ANKRD44: variants seen among roughly 807,000 people sequenced by gnomAD.
ANKRD44 encodes serine/threonine-protein phosphatase 6 regulatory ankyrin repeat subunit B.
Under a neutral mutation model 116.0 loss-of-function variants are expected in ANKRD44, and 35 were observed. The ratio of observed to expected loss-of-function variants is 0.30; its 90% confidence interval spans 0.23 to 0.40. The LOEUF (loss-of-function observed/expected upper bound fraction) is 0.40, where lower values mean the gene tolerates loss of function less well. Ranked by LOEUF, ANKRD44 falls within the 10% of genes least tolerant of loss-of-function variation. The pLI, the probability that ANKRD44 is intolerant of heterozygous loss-of-function variation, is 1.00. For synonymous variants in ANKRD44, 435 were observed against 461.8 expected (o/e 0.94, Z 0.74); for missense variants, 1,014 against 1,242.6 (o/e 0.82, Z 2.77).
At chr2:197,297,354 T>C (rs2105897793) in intron 1 of ANKRD44, among the ~76,000 whole-genome samples, 1 of 152,276 alleles carries the variant, frequency 6.6e-6, no homozygotes, top group South Asian at 2.1e-4. Flanking sequence ...AGTTAAAAGG[T>C]CATAAATATA....
Position 197,124,208 on chromosome 2 carries a change from T to G in ANKRD44, c.550+1173A>C, listed in dbSNP as rs567669506. ...ATGCTTGTAAAAGTTTAAGATTCTGTTTTTTTAAGCCCAAGGATTCACTCA... is the reference window on the plus strand; with the variant it reads ...ATGCTTGTAAAAGTTTAAGATTCTGGTTTTTTAAGCCCAAGGATTCACTCA... On this transcript the variant is annotated intron_variant, in intron 6 of 27. Coordinates refer to ENST00000282272, the MANE Select transcript of ANKRD44 (RefSeq NM_001195144.2). 3.1e-3 allele frequency among the ~76,000 whole-genome samples: 473 copies of G among 152,256 alleles called. 3 individuals carry two copies. Among genetic ancestry groups the G allele is most frequent in the South Asian group, 0.019 (93 of 4,812 alleles).
At chr2:197,206,784 G>A (rs563628270) in intron 1 of ANKRD44, among the ~76,000 whole-genome samples, 1 of 152,298 alleles carries the variant, frequency 6.6e-6, no homozygotes, top group East Asian at 1.9e-4. Flanking sequence ...GGGAAAGGAT[G>A]TACAGGACTG....
At chr2:197,186,996 G>C in intron 2 of ANKRD44, 27 bp downstream of exon 2, 1 of 1,602,390 alleles carries the variant, frequency 6.2e-7, no homozygotes, top group Non-Finnish European at 8.5e-7. Context: ...AACAGGGCCT[G>C]AGTAGCAAAA....
intron 1 of ANKRD44, among the ~76,000 whole-genome samples, chr2:197,257,929 C>T (rs942659393): frequency 6.6e-6 from 1 of 152,106 alleles, no homozygotes; most frequent in African/African-American, 2.4e-5. Context: ...CACTATTCTA[C>T]TTCCTGTCTC....
chr2:197,083,446 T>C lies in ANKRD44; in HGVS notation c.1380A>G (p.Thr460=). ...HFHCIETLVT[T]GANVNETDDW... Reference sequence around the variant, plus strand: ...CATCTGTTTCATTAACGTTGGCCCCTGTGGTCACTAATGTCTCAATACAGT... The same window carrying C: ...CATCTGTTTCATTAACGTTGGCCCCCGTGGTCACTAATGTCTCAATACAGT... The change falls in exon 14 of 28, where the codon ACA becomes ACG. Residue 460 remains threonine (T), a synonymous_variant. Transcript: ENST00000282272. 9 of 1,613,986 alleles carry C rather than the reference T, an allele frequency of 5.6e-6. No individual in the cohort carries two copies. Among genetic ancestry groups the C allele is most frequent in the Non-Finnish European group, 7.6e-6 (9 of 1,179,902 alleles).
chr2:197,145,027 C>T (rs138022337), intron 3 of ANKRD44, among the ~76,000 whole-genome samples: 43 of 152,278 alleles, frequency 2.8e-4, no homozygotes, highest in African/African-American at 8.4e-4. Flanking sequence ...CACGGTGGCT[C>T]ACACCTGTAA....
chr2:197,230,120 ACTGT>A (rs2081823563), intron 1 of ANKRD44, among the ~76,000 whole-genome samples: 1 of 152,116 alleles, frequency 6.6e-6, no homozygotes, highest in South Asian at 2.1e-4. Flanking sequence ...TCAGGGATGC[ACTGT>A]CTGTGTTTAG....
rs147195565 is a variant in ANKRD44 at position 196,987,979 on chromosome 2, A to AAG, written c.*1610_*1611dup. 43 of 964,524 alleles carry AAG rather than the reference A, an allele frequency of 4.5e-5. No individual in the cohort carries two copies. The highest frequency in any genetic ancestry group is 2.8e-4 in the African/African-American group (16 of 56,638). 59.7% of individuals were successfully genotyped at this position (964,524 alleles called of 1,614,324 possible). A position where few individuals can be genotyped will look rare whatever the true frequency, so the allele number is the denominator to read the frequency against. On this transcript the variant is annotated 3_prime_UTR_variant, in exon 28 of 28. Coordinates refer to ENST00000282272, the MANE Select transcript of ANKRD44 (RefSeq NM_001195144.2). ...GGTATGGGAGAAAGAGAAAGAGAGG[A>AAG]AGAGAGAGAGAGAGAGATCAGTTGA...
At chr2:196,996,861 G>A (rs966487691) in intron 25 of ANKRD44, among the ~76,000 whole-genome samples, 2 of 130,364 alleles carry the variant, frequency 1.5e-5, no homozygotes, top group Admixed American at 9.5e-5. Flanking sequence ...CCAAGATTGC[G>A]CCACTGCACT....
At chr2:197,237,174 G>T (rs1223754604) in intron 1 of ANKRD44, among the ~76,000 whole-genome samples, 1 of 152,030 alleles carries the variant, frequency 6.6e-6, no homozygotes, top group East Asian at 1.9e-4. Flanking sequence ...ATAGACCTTT[G>T]TTCTATAGAG....
chr2:197,101,192 G>A (rs902181324), intron 9 of ANKRD44, among the ~76,000 whole-genome samples: 9 of 150,492 alleles, frequency 6.0e-5, no homozygotes, highest in African/African-American at 1.5e-4. Flanking sequence ...TGGTTGTCAT[G>A]TCTCTTTAGT....
At chr2:197,041,572 C>A (rs930206505) in intron 16 of ANKRD44, among the ~76,000 whole-genome samples, 1 of 152,202 alleles carries the variant, frequency 6.6e-6, no homozygotes, top group Non-Finnish European at 1.5e-5. Flanking sequence ...TCTCCCCATT[C>A]TAAGAGAAAA....
intron 1 of ANKRD44, among the ~76,000 whole-genome samples, chr2:197,301,601 T>G (rs1234971937): frequency 6.6e-6 from 1 of 152,242 alleles, no homozygotes; most frequent in Admixed American, 6.5e-5. Context: ...AAATTTGACA[T>G]CCCAGTGTAA....
At chr2:197,085,006 A>G (rs542281433) in intron 13 of ANKRD44, among the ~76,000 whole-genome samples, 1 of 152,334 alleles carries the variant, frequency 6.6e-6, no homozygotes, top group Non-Finnish European at 1.5e-5. Context: ...CACCTCGTAA[A>G]GGGCAAGACT....
chr2:197,257,609 G>A (rs539168784), intron 1 of ANKRD44, among the ~76,000 whole-genome samples: 1 of 152,218 alleles, frequency 6.6e-6, no homozygotes, highest in East Asian at 1.9e-4. Context: ...GTAACACAAA[G>A]GATAAATGCT....
rs1264235783 is a variant in ANKRD44 at position 197,279,545 on chromosome 2, C to G, written c.27+31033G>C. ...CTCCCATCCAATCTCCCACTGTTGC[C>G]CATACACACCCTCTGCTCCAGCCAA... On this transcript the variant is annotated intron_variant, in intron 1 of 27. Coordinates refer to ENST00000282272, the MANE Select transcript of ANKRD44 (RefSeq NM_001195144.2). Among the ~76,000 whole-genome samples the G allele has an allele frequency of 3.3e-5, 5 of 152,294 alleles. No individual in the cohort carries two copies. In the East Asian group the frequency reaches 7.7e-4, roughly 23 times the overall value.
intron 3 of ANKRD44, among the ~76,000 whole-genome samples, chr2:197,146,022 G>C (rs1462023290): frequency 2.0e-5 from 3 of 152,136 alleles, no homozygotes; most frequent in Non-Finnish European, 4.4e-5. Context: ...ACACTCAAGG[G>C]AGAAAGCATA....
intron 1 of ANKRD44, among the ~76,000 whole-genome samples, chr2:197,214,922 G>T (rs1284068125): frequency 6.6e-6 from 1 of 152,160 alleles, no homozygotes; most frequent in Admixed American, 6.5e-5. Flanking sequence ...CTGTCACCCA[G>T]GCTAGAATGC....
At chr2:197,308,806 AAG>A (rs2084152781) in intron 1 of ANKRD44, among the ~76,000 whole-genome samples, 1 of 152,230 alleles carries the variant, frequency 6.6e-6, no homozygotes. Context: ...TTGATCTAGG[AAG>A]AGATGTTTTC....
Sources: gnomAD v4.1 joint callset for allele counts (sites outside exome capture counted in the v4.1 genomes callset) on GRCh38, gnomAD v4.1.1 for gene constraint, MANE v1.5 for transcripts, NCBI Gene and HGNC (gene_info 2026-07-23, HGNC 2026-07-21) for gene names.